The following ERICH1 variants were observed in gnomAD, a reference collection of about 807,000 sequenced individuals.
The protein encoded by ERICH1 is glutamate-rich protein 1.
In ERICH1, 56 loss-of-function variants were observed where a neutral mutation model predicts 39.6. The ratio of observed to expected loss-of-function variants is 1.41; its 90% CI spans 1.14 to 1.77. ERICH1 has a LOEUF of 1.77. Ranked by LOEUF, ERICH1 falls within the 40% of genes most tolerant of loss-of-function variation. The pLI, the probability that ERICH1 is intolerant of heterozygous loss-of-function variation, is 0.00. For missense variants in ERICH1, 826 were observed against 575.4 expected (o/e 1.44, Z -4.45); for synonymous variants, 313 against 223.6 (o/e 1.40, Z -3.57).
chr8:644,979 T>G lies in ERICH1; in HGVS notation c.976+23619A>C, dbSNP rs1585024106. On this transcript the variant is annotated intron_variant, in intron 3 of 3. Coordinates refer to the ERICH1 transcript ENST00000522706. Reference sequence around the variant, plus strand: ...CTACGGGGCCCAGGACCAGAAGGAATGAGATCCTTCTCCTCCCACGGGCTG... The same window carrying G: ...CTACGGGGCCCAGGACCAGAAGGAAGGAGATCCTTCTCCTCCCACGGGCTG... Among the ~76,000 whole-genome samples, 8 of 69,382 alleles carry G rather than the reference T, an allele frequency of 1.2e-4. 4 individuals carry two copies. Among genetic ancestry groups the G allele is most frequent in the Admixed American group, 9.9e-4 (8 of 8,094 alleles). 45.5% of individuals were successfully genotyped at this position (69,382 alleles called of 152,430 possible). A position where few individuals can be genotyped will look rare whatever the true frequency, so the allele number is the denominator to read the frequency against.
intron 2 of ERICH1, among the ~76,000 whole-genome samples, chr8:709,893 A>G (rs1408210982): frequency 6.6e-6 from 1 of 152,244 alleles, no homozygotes; most frequent in Non-Finnish European, 1.5e-5. Context: ...CAGATATGTT[A>G]CTGGTAAACA....
At chr8:703,250 G>C (rs1812555537) in intron 2 of ERICH1, among the ~76,000 whole-genome samples, 1 of 152,166 alleles carries the variant, frequency 6.6e-6, no homozygotes, top group African/African-American at 2.4e-5. Flanking sequence ...GTGCAGGACA[G>C]ACCAAGTGCA....
chr8:709,582 T>G (rs3779743), intron 2 of ERICH1, among the ~76,000 whole-genome samples: 14,930 of 152,288 alleles, frequency 0.098, 972 homozygotes, highest in East Asian at 0.31. Flanking sequence ...TAATTCAACA[T>G]CTTCATATTA....
At position 706,637 on chromosome 8, in the gene ERICH1, G is replaced by T. The variant is rs183692153; in HGVS notation, c.169+9224C>A. ...AAAAAAATACAAAAAAAATTAGTCG[G>T]ACGTGGTGGCACACGCATGTAATCC... is the stretch of plus-strand genomic sequence containing the variant. On this transcript the variant is annotated intron_variant, in intron 2 of 5. Coordinates refer to ENST00000262109, the MANE Select transcript of ERICH1 (RefSeq NM_207332.3). Among the ~76,000 whole-genome samples, 14 of 152,204 alleles carry T rather than the reference G, an allele frequency of 9.2e-5. 1 individual carries two copies. The highest frequency in any genetic ancestry group is 3.4e-4 in the African/African-American group (14 of 41,526).
intron 2 of ERICH1, among the ~76,000 whole-genome samples, chr8:712,317 C>G (rs1814917454): frequency 6.6e-6 from 1 of 152,226 alleles, no homozygotes; most frequent in South Asian, 2.1e-4. Flanking sequence ...TCTTTGATTT[C>G]TTTCATCAGA....
chr8:638,795 G>A (rs925407229), intron 3 of ERICH1, among the ~76,000 whole-genome samples: 2 of 152,066 alleles, frequency 1.3e-5, no homozygotes, highest in Non-Finnish European at 2.9e-5. Flanking sequence ...TGACCCAGAA[G>A]ACTCATTTTG....
At chr8:669,786 C>T (rs544569308) in intron 4 of ERICH1, among the ~76,000 whole-genome samples, 37 of 152,358 alleles carry the variant, frequency 2.4e-4, no homozygotes, top group South Asian at 1.2e-3. Context: ...AACAAGCCCC[C>T]GACTTCCCCT....
chr8:703,700 CG>C (rs1372800686), intron 2 of ERICH1, among the ~76,000 whole-genome samples: 2 of 152,110 alleles, frequency 1.3e-5, no homozygotes, highest in African/African-American at 4.8e-5. Context: ...AGGGTGCAGC[CG>C]GAAGGGTGGA....
chr8:636,249 A>C (rs1437405863), intron 3 of ERICH1, among the ~76,000 whole-genome samples: 1 of 152,212 alleles, frequency 6.6e-6, no homozygotes, highest in Non-Finnish European at 1.5e-5. Context: ...GGGCGTTCAC[A>C]GCCTCCCTGA....
chr8:654,051 C>T (rs566494158), intron 3 of ERICH1, among the ~76,000 whole-genome samples: 9 of 152,000 alleles, frequency 5.9e-5, no homozygotes, highest in Non-Finnish European at 7.4e-5. Flanking sequence ...GGAGGGGTTG[C>T]GGAGTTCCTG....
Position 673,320 on chromosome 8 carries a change from C to G in ERICH1, c.1032G>C (p.Leu344Phe). ...AAAAATACATTTCCTGTGTTGACTT[C>G]AAAAAATTTAGAATACTGTGTGCCT... ...NEKAHSILNF[L>F]KSTQEMYFYD... Residue 344 changes from leucine to phenylalanine, a missense_variant, in exon 4 of 6, where the codon TTG becomes TTC. Leu to Phe is a conservative substitution (Grantham distance 22). Transcript: ENST00000262109. The G allele has an allele frequency of 4.4e-6, 7 of 1,609,020 alleles. No individual in the cohort carries two copies. Among genetic ancestry groups the G allele is most frequent in the African/African-American group, 4.0e-5 (3 of 74,946 alleles).
At chr8:720,526 C>T (rs916799478) in intron 1 of ERICH1, among the ~76,000 whole-genome samples, 9 of 152,146 alleles carry the variant, frequency 5.9e-5, no homozygotes, top group Admixed American at 1.3e-4. Context: ...TAGTCCTTAA[C>T]GTTTAAATCC....
At chr8:714,884 G>A (rs1424871216) in intron 2 of ERICH1, among the ~76,000 whole-genome samples, 2 of 152,048 alleles carry the variant, frequency 1.3e-5, no homozygotes, top group South Asian at 2.1e-4. Flanking sequence ...TCTCTCGGTG[G>A]GATGTGCTGC....
chr8:660,917 G>A (rs1010892700), downstream of ERICH1, among the ~76,000 whole-genome samples: 3 of 152,046 alleles, frequency 2.0e-5, no homozygotes, highest in Non-Finnish European at 4.4e-5. Context: ...TCCTCCGCTG[G>A]GTCCTGGGCG....
At chr8:707,667 C>A (rs964228426) in intron 2 of ERICH1, among the ~76,000 whole-genome samples, 1 of 152,298 alleles carries the variant, frequency 6.6e-6, no homozygotes, top group African/African-American at 2.4e-5. Flanking sequence ...AGGACCTACA[C>A]ATAAGTGCTA....
intron 2 of ERICH1, among the ~76,000 whole-genome samples, chr8:698,404 A>G (rs1242037484): frequency 1.3e-5 from 2 of 152,026 alleles, no homozygotes; most frequent in Non-Finnish European, 2.9e-5. Flanking sequence ...CTTTTAGTAG[A>G]GACAGGGTTT....
chr8:631,416 C>T (rs932948586), intron 3 of ERICH1, among the ~76,000 whole-genome samples: 8 of 152,140 alleles, frequency 5.3e-5, no homozygotes, highest in South Asian at 2.1e-4. Flanking sequence ...GCAGCCTGGT[C>T]ATGCAGGCGG....
intron 3 of ERICH1, among the ~76,000 whole-genome samples, chr8:617,899 T>C (rs1797027675): frequency 6.8e-6 from 1 of 146,268 alleles, no homozygotes. Flanking sequence ...GAGTGCTCGG[T>C]ACTTGGTCCA....
At chr8:662,867 G>A (rs1801637404), downstream of ERICH1, among the ~76,000 whole-genome samples, 2 of 152,172 alleles carry the variant, frequency 1.3e-5, no homozygotes, top group Admixed American at 6.5e-5. Context: ...GGGAAGAGAA[G>A]GGAGGGCAGG....
Sources: gnomAD v4.1 joint callset for allele counts (sites outside exome capture counted in the v4.1 genomes callset) on GRCh38, gnomAD v4.1.1 for gene constraint, MANE v1.5 for transcripts, NCBI Gene and HGNC (gene_info 2026-07-23, HGNC 2026-07-21) for gene names.